DLG2: variants seen among roughly 807,000 people sequenced by gnomAD.
DLG2 encodes the protein discs large MAGUK scaffold protein 2.
DLG2 carries 45 observed loss-of-function variants against 132.5 expected under a neutral mutation model. The observed-to-expected ratio is 0.34, with a 90% CI of 0.27 to 0.44. The LOEUF (loss-of-function observed/expected upper bound fraction) is 0.44, where lower values mean the gene tolerates loss of function less well. Among genes scored for constraint, DLG2 ranks in the 20% least tolerant of loss-of-function variants. The pLI is 1.00. For missense variants in DLG2, 1,045 were observed against 1,196.9 expected (o/e 0.87, Z 1.87); for synonymous variants, 424 against 419.6 (o/e 1.01, Z -0.13).
chr11:84,572,735 T>A (rs2154527979), intron 6 of DLG2, among the ~76,000 whole-genome samples: 1 of 152,172 alleles, frequency 6.6e-6, no homozygotes, highest in Non-Finnish European at 1.5e-5. Flanking sequence ...CCTTGAGGAA[T>A]GAGGTAATAT....
intron 3 of DLG2, among the ~76,000 whole-genome samples, chr11:85,501,183 TAATA>T (rs2093793801): frequency 6.6e-6 from 1 of 152,302 alleles, no homozygotes; most frequent in African/African-American, 2.4e-5. Flanking sequence ...ATTCCCTATT[TAATA>T]AATGGTGCTG....
chr11:84,986,190 A>T (rs2056467747), intron 6 of DLG2, among the ~76,000 whole-genome samples: 1 of 152,072 alleles, frequency 6.6e-6, no homozygotes, highest in Admixed American at 6.6e-5. Context: ...AGGCACATAA[A>T]CTAGAAAACC....
intron 19 of DLG2, among the ~76,000 whole-genome samples, chr11:83,587,792 C>A (rs1265160748): frequency 1.3e-5 from 2 of 152,056 alleles, no homozygotes; most frequent in African/African-American, 4.8e-5. Flanking sequence ...GCGCACCGTG[C>A]GCGAGCCGAA....
At chr11:85,398,737 A>G (rs1251498799) in intron 3 of DLG2, among the ~76,000 whole-genome samples, 1 of 152,292 alleles carries the variant, frequency 6.6e-6, no homozygotes, top group African/African-American at 2.4e-5. Context: ...AAGAAGTTGA[A>G]TCTCTGAATA....
At chr11:84,707,580 G>C (rs992603175) in intron 6 of DLG2, among the ~76,000 whole-genome samples, 1 of 151,830 alleles carries the variant, frequency 6.6e-6, no homozygotes, top group Non-Finnish European at 1.5e-5. Context: ...AGTACAATAG[G>C]TTGTATTCCC....
At chr11:84,398,313 A>C (rs889847531) in intron 7 of DLG2, among the ~76,000 whole-genome samples, 2 of 152,220 alleles carry the variant, frequency 1.3e-5, no homozygotes, top group African/African-American at 4.8e-5. Flanking sequence ...ACAAGGAGGA[A>C]ACCAGAAAGC....
intron 15 of DLG2, among the ~76,000 whole-genome samples, chr11:83,906,441 G>A (rs2074994779): frequency 6.6e-6 from 1 of 151,910 alleles, no homozygotes; most frequent in African/African-American, 2.4e-5. Context: ...AGTATAATAG[G>A]ACTATTTACA....
intron 8 of DLG2, among the ~76,000 whole-genome samples, chr11:84,223,759 G>T (rs996761679): frequency 1.3e-5 from 2 of 152,130 alleles, no homozygotes; most frequent in Non-Finnish European, 2.9e-5. Flanking sequence ...GTTTCGGCAT[G>T]TTGGCCAGGC....
intron 5 of DLG2, among the ~76,000 whole-genome samples, chr11:85,152,138 A>G (rs2077297650): frequency 6.6e-6 from 1 of 152,206 alleles, no homozygotes; most frequent in Non-Finnish European, 1.5e-5. Flanking sequence ...CTATAGCCTA[A>G]AAATAATTAA....
intron 4 of DLG2, among the ~76,000 whole-genome samples, chr11:85,180,092 C>A (rs936738009): frequency 4.0e-5 from 6 of 151,762 alleles, no homozygotes; most frequent in African/African-American, 1.5e-4. Context: ...AAATATTATA[C>A]TCTAGAAGAA....
At chr11:84,568,167 G>A (rs1297034437) in intron 6 of DLG2, among the ~76,000 whole-genome samples, 2 of 152,148 alleles carry the variant, frequency 1.3e-5, no homozygotes, top group Non-Finnish European at 2.9e-5. Context: ...ACCAGTGCAT[G>A]GATCTTGGTG....
chr11:84,251,934 G>A (rs1163092856), intron 7 of DLG2, among the ~76,000 whole-genome samples: 17 of 151,674 alleles, frequency 1.1e-4, no homozygotes, highest in Non-Finnish European at 1.9e-4. Flanking sequence ...TACCGCACTC[G>A]ACCTGTATCA....
intron 16 of DLG2, among the ~76,000 whole-genome samples, chr11:83,834,312 C>T (rs976185345): frequency 3.3e-5 from 5 of 152,024 alleles, no homozygotes; most frequent in East Asian, 1.9e-4. Flanking sequence ...GGAGGGCTGA[C>T]GGAGAGGAAA....
chr11:84,856,783 A>G (rs532566706), intron 6 of DLG2, among the ~76,000 whole-genome samples: 24 of 152,062 alleles, frequency 1.6e-4, no homozygotes, highest in Middle Eastern at 6.8e-3. Flanking sequence ...TGCCTCTCCT[A>G]GTGTCTGCCT....
chr11:83,844,394 A>G (rs1311952266), intron 16 of DLG2, among the ~76,000 whole-genome samples: 1 of 151,680 alleles, frequency 6.6e-6, no homozygotes, highest in Admixed American at 6.6e-5. Context: ...AAAAAAAAAA[A>G]AAAATTAGCT....
At chr11:84,756,945 G>A (rs1420723100) in intron 6 of DLG2, among the ~76,000 whole-genome samples, 1 of 152,096 alleles carries the variant, frequency 6.6e-6, no homozygotes, top group Non-Finnish European at 1.5e-5. Context: ...TAAATGGGTG[G>A]AAGAGGCATC....
At chr11:83,547,566 A>G (rs1262549352) in intron 19 of DLG2, among the ~76,000 whole-genome samples, 2 of 152,108 alleles carry the variant, frequency 1.3e-5, no homozygotes, top group South Asian at 4.1e-4. Context: ...GCCTTTTACA[A>G]ACTGGGAATG....
intron 11 of DLG2, among the ~76,000 whole-genome samples, chr11:84,045,009 G>T (rs2096209050): frequency 6.6e-6 from 1 of 151,592 alleles, no homozygotes. Context: ...ATTTTCTAAT[G>T]GTTTTGGTTG....
intron 5 of DLG2, among the ~76,000 whole-genome samples, chr11:85,141,427 C>T (rs1363665089): frequency 6.6e-6 from 1 of 151,074 alleles, no homozygotes; most frequent in Non-Finnish European, 1.5e-5. Flanking sequence ...TGTTTTTTTT[C>T]CCATTGAGTT....
Sources: allele counts gnomAD v4.1 joint callset (sites outside exome capture counted in the v4.1 genomes callset), GRCh38; gene constraint gnomAD v4.1.1; transcripts MANE v1.5; gene names NCBI Gene and HGNC (gene_info 2026-07-23, HGNC 2026-07-21).